The following SERPINB2 variants were observed in gnomAD, a reference collection of about 807,000 sequenced individuals.
The protein encoded by SERPINB2 is serpin family B member 2, also known as plasminogen activator inhibitor 2.
SERPINB2 carries 28 observed loss-of-function variants against 39.4 expected under a neutral mutation model. The observed-to-expected ratio is 0.71, with a 90% confidence interval of 0.53 to 0.97. The LOEUF (loss-of-function observed/expected upper bound fraction) is 0.97, where lower values mean the gene tolerates loss of function less well. Ranked by LOEUF, SERPINB2 falls within the 50% of genes least tolerant of loss-of-function variation. The pLI, the probability that SERPINB2 is intolerant of heterozygous loss-of-function variation, is 0.00. For missense variants in SERPINB2, 557 were observed against 505.3 expected (o/e 1.10, Z -0.98); for synonymous variants, 209 against 175.1 (o/e 1.19, Z -1.53).
In SERPINB2 at chr18:63,903,332, A is replaced by G; in HGVS notation, c.*27A>G. On this transcript the variant is annotated 3_prime_UTR_variant, in exon 8 of 8. Transcript: ENST00000299502. ...ACTAAGCGTGCTGCTTCTGCAAAAG[A>G]TTTTTGTAGATGAGCTGTGTGCCTC... 1 of 1,476,296 alleles carries G rather than the reference A, an allele frequency of 6.8e-7. No homozygotes were observed. Among genetic ancestry groups the G allele is most frequent in the Non-Finnish European group, 9.0e-7 (1 of 1,113,986 alleles). The allele number at this position is 1,476,296 out of a possible 1,614,324, so 91.4% of individuals were successfully genotyped here.
intron 5 of SERPINB2, among the ~76,000 whole-genome samples, chr18:63,899,295 G>A (rs2049978512): frequency 6.6e-6 from 1 of 152,046 alleles, no homozygotes; most frequent in Admixed American, 6.6e-5. Context: ...ACTGATTTTT[G>A]TTAGTTTGTT....
At chr18:63,892,061 C>T (rs2144695902) in intron 2 of SERPINB2, among the ~76,000 whole-genome samples, 1 of 151,894 alleles carries the variant, frequency 6.6e-6, no homozygotes, top group East Asian at 1.9e-4. Context: ...GTGTTTGTTC[C>T]CTATTCCTAT....
intron 3 of SERPINB2, among the ~76,000 whole-genome samples, chr18:63,896,232 G>A (rs1599060668): frequency 2.0e-5 from 3 of 152,260 alleles, no homozygotes. Flanking sequence ...GGTGTTCTGT[G>A]GTACCTGGCA....
At chr18:63,889,798 A>T (rs2049914333) in intron 1 of SERPINB2, 1 of 152,110 alleles carries the variant, frequency 6.6e-6, no homozygotes, top group Admixed American at 6.5e-5. Flanking sequence ...TAGTAGAATT[A>T]CAGGTTTACT....
Position 63,897,169 on chromosome 18 carries a change from CTGGAAAG to C in SERPINB2, c.370_376del (p.Glu124SerfsTer31). 6.2e-7 allele frequency: 1 copy of C among 1,613,468 alleles called. No individual in the cohort carries two copies. Among genetic ancestry groups the C allele is most frequent in the Non-Finnish European group, 8.5e-7 (1 of 1,179,592 alleles). ...CAATGCATCCACAGGGAATTATTTA[CTGGAAAG>C]TGTCAATAAGCTGTTTGGTGAGAAG... is the stretch of plus-strand genomic sequence containing the variant. On this transcript the variant is annotated frameshift_variant, in exon 4 of 8. Coordinates refer to ENST00000299502, the MANE Select transcript of SERPINB2 (RefSeq NM_002575.3). LOFTEE classifies it high-confidence loss of function.
intron 5 of SERPINB2, among the ~76,000 whole-genome samples, chr18:63,898,228 C>G (rs1407696708): frequency 1.3e-5 from 2 of 152,158 alleles, no homozygotes; most frequent in Non-Finnish European, 2.9e-5. Context: ...ATAAAGAATA[C>G]AGGCAGTGGA....
intron 1 of SERPINB2, chr18:63,890,415 C>T (rs987771159): frequency 6.6e-6 from 1 of 152,134 alleles, no homozygotes; most frequent in African/African-American, 2.4e-5. Context: ...TGATCAGTAT[C>T]AGCATTGTTT....
chr18:63,897,973 G>A (rs765756137), intron 5 of SERPINB2, 129 bp downstream of exon 5: 307 of 658,968 alleles, frequency 4.7e-4, no homozygotes, highest in Non-Finnish European at 7.6e-4. Context: ...TTTGGTGGAT[G>A]TGAATTTATT....
chr18:63,901,029 T>C (rs544352619), intron 5 of SERPINB2, among the ~76,000 whole-genome samples: 1 of 152,140 alleles, frequency 6.6e-6, no homozygotes, highest in Non-Finnish European at 1.5e-5. Flanking sequence ...GTACTAACTA[T>C]AAACAAACTG....
intron 2 of SERPINB2, 88 bp from the exon 3 acceptor site, chr18:63,895,176 C>G (rs948239805): frequency 6.0e-6 from 9 of 1,510,300 alleles, no homozygotes; most frequent in Non-Finnish European, 8.1e-6. Context: ...GATCTAGGAC[C>G]ATTTTAGAGC....
chr18:63,902,027 T>C, intron 6 of SERPINB2, 145 bp downstream of exon 6: 1 of 796,848 alleles, frequency 1.3e-6, no homozygotes, highest in Non-Finnish European at 1.9e-6. Context: ...TTAGAAACAG[T>C]ATAGGTAAAG....
intron 1 of SERPINB2, among the ~76,000 whole-genome samples, chr18:63,889,209 T>G (rs1350923176): frequency 6.6e-6 from 1 of 152,208 alleles, no homozygotes; most frequent in Non-Finnish European, 1.5e-5. Flanking sequence ...CTGAAGGAAT[T>G]TGGTGACTGC....
intron 2 of SERPINB2, among the ~76,000 whole-genome samples, chr18:63,893,586 C>G (rs73476002): frequency 0.03 from 4,537 of 152,206 alleles, 233 homozygotes; most frequent in African/African-American, 0.1. Flanking sequence ...TGGGGACAGA[C>G]GTATCTGTGT....
intron 7 of SERPINB2, 130 bp downstream of exon 7, chr18:63,902,698 G>A: frequency 9.3e-7 from 1 of 1,070,446 alleles, no homozygotes; most frequent in Admixed American, 2.5e-5. Flanking sequence ...AGTAAATATG[G>A]CATGCCTCTA....
At chr18:63,893,086 C>G (rs184158670) in intron 2 of SERPINB2, among the ~76,000 whole-genome samples, 1 of 152,192 alleles carries the variant, frequency 6.6e-6, no homozygotes, top group African/African-American at 2.4e-5. Context: ...GCGCCTGCCA[C>G]GATGCCCATC....
rs2049926080 is a variant in SERPINB2, at chr18:63,891,526, C to A, written c.82C>A (p.Leu28Ile). ...GGCAAAAGCAAGCCCCACCCAGAAC[C>A]TCTTCCTCTCCCCATGGAGCATCTC... ...HLAKASPTQN[L>I]FLSPWSISST... Residue 28 changes from leucine (L) to isoleucine (I), a missense_variant, in exon 2 of 8, where the codon CTC (leucine) becomes ATC (isoleucine). Transcript: ENST00000299502. The A allele has an allele frequency of 6.2e-7, 1 of 1,614,202 alleles. No individual in the cohort carries two copies. Among genetic ancestry groups the A allele is most frequent in the African/African-American group, 1.3e-5 (1 of 75,064 alleles).
In SERPINB2 at chr18:63,895,388, C is replaced by G; in HGVS notation, c.288+5C>G. On this transcript the variant is annotated splice_donor_5th_base_variant and intron_variant, in intron 3 of 7. Coordinates refer to ENST00000299502, the MANE Select transcript of SERPINB2 (RefSeq NM_002575.3). ...TATCCTGATGCGATTTTGCAGGTAT[C>G]TGACTTACTGGTCCAAATTTCTTTT... 1 of 1,613,938 alleles carries G rather than the reference C, an allele frequency of 6.2e-7. No individual in the cohort carries two copies. The highest frequency in any genetic ancestry group is 2.2e-5 in the East Asian group (1 of 44,864).
At chr18:63,897,378 C>T (rs577595308) in intron 4 of SERPINB2, among the ~76,000 whole-genome samples, 159 bp downstream of exon 4, 2 of 152,198 alleles carry the variant, frequency 1.3e-5, no homozygotes, top group African/African-American at 4.8e-5. Flanking sequence ...TTCCTGTACC[C>T]TCTGGGGCTT....
At chr18:63,895,079 G>A (rs980445291) in intron 2 of SERPINB2, among the ~76,000 whole-genome samples, 185 bp from the exon 3 acceptor site, 9 of 152,150 alleles carry the variant, frequency 5.9e-5, no homozygotes, top group Admixed American at 2.0e-4. Flanking sequence ...TTCTATAAGG[G>A]AAATTTAGGT....
Sources: allele counts gnomAD v4.1 joint callset (sites outside exome capture counted in the v4.1 genomes callset), GRCh38; gene constraint gnomAD v4.1.1; transcripts MANE v1.5; gene names NCBI Gene and HGNC (gene_info 2026-07-23, HGNC 2026-07-21).